The following IL1RAPL1 variants were observed in gnomAD, a reference collection of about 807,000 sequenced individuals.
The protein encoded by IL1RAPL1 is interleukin-1 receptor accessory protein-like 1.
In IL1RAPL1, 3 loss-of-function variants were observed where a neutral mutation model predicts 48.4. That is an observed-to-expected ratio of 0.06 (90% confidence interval 0.03 to 0.16). The LOEUF is 0.16. Ranked by LOEUF, IL1RAPL1 falls within the 10% of genes least tolerant of loss-of-function variation. The pLI is 1.00. For synonymous variants in IL1RAPL1, 185 were observed against 187.7 expected (o/e 0.99, Z 0.12); for missense variants, 349 against 530.6 (o/e 0.66, Z 3.36).
intron 6 of IL1RAPL1, among the ~76,000 whole-genome samples, chrX:29,845,711 A>G (rs992632725): frequency 9.0e-6 from 1 of 111,296 alleles, no homozygotes; most frequent in African/African-American, 3.3e-5. Context: ...GCTATAAAGA[A>G]ATACCTGAGA....
chrX:28,964,489 T>C (rs1194876010), intron 2 of IL1RAPL1, among the ~76,000 whole-genome samples: 1 of 111,907 alleles, frequency 8.9e-6, no homozygotes, highest in African/African-American at 3.2e-5. Context: ...TTAAGATGCA[T>C]GATATGGTGC....
At chrX:29,120,282 T>A (rs1928755969) in intron 2 of IL1RAPL1, among the ~76,000 whole-genome samples, 1 of 112,254 alleles carries the variant, frequency 8.9e-6, no homozygotes, top group Non-Finnish European at 1.9e-5. Flanking sequence ...AGACTTACAT[T>A]TAAGTCTTTA....
At chrX:29,088,962 G>A (rs1479216077) in intron 2 of IL1RAPL1, among the ~76,000 whole-genome samples, 2 of 111,224 alleles carry the variant, frequency 1.8e-5, no homozygotes, top group South Asian at 3.8e-4. Context: ...TTCAGTGTTC[G>A]CCAGTTGTCA....
chrX:28,886,657 A>G (rs1453733316), intron 2 of IL1RAPL1, among the ~76,000 whole-genome samples: 1 of 111,446 alleles, frequency 9.0e-6, no homozygotes, highest in East Asian at 2.8e-4. Flanking sequence ...AACGTTTACC[A>G]ATGAAGAATA....
chrX:29,109,039 C>A (rs1928507251), intron 2 of IL1RAPL1, among the ~76,000 whole-genome samples: 1 of 109,996 alleles, frequency 9.1e-6, no homozygotes, highest in Non-Finnish European at 1.9e-5. Context: ...AATATGCAAA[C>A]TAAAGCATGT....
intron 2 of IL1RAPL1, among the ~76,000 whole-genome samples, chrX:29,078,608 CGTTAA>C (rs749814606): frequency 3.6e-5 from 4 of 111,898 alleles, no homozygotes; most frequent in Middle Eastern, 4.6e-3. Context: ...AGATTCGAAG[CGTTAA>C]GTTATTTTAC....
At chrX:29,626,166 G>GT (rs1344672357) in intron 5 of IL1RAPL1, among the ~76,000 whole-genome samples, 2 of 112,115 alleles carry the variant, frequency 1.8e-5, no homozygotes, top group African/African-American at 3.2e-5. Context: ...CATTGCGTCT[G>GT]TTTTTCCTCA....
chrX:29,784,386 G>A (rs907270061), intron 6 of IL1RAPL1, among the ~76,000 whole-genome samples: 2 of 110,842 alleles, frequency 1.8e-5, no homozygotes, highest in Non-Finnish European at 3.8e-5. Context: ...CTCCCATTAG[G>A]TGAGTTTCTA....
intron 2 of IL1RAPL1, among the ~76,000 whole-genome samples, chrX:29,178,136 A>G (rs1339243776): frequency 9.0e-6 from 1 of 111,556 alleles, no homozygotes; most frequent in Admixed American, 9.5e-5. Flanking sequence ...GTCAAATGGT[A>G]TTTCTAGTTC....
At chrX:28,885,604 C>T (rs928518902) in intron 2 of IL1RAPL1, among the ~76,000 whole-genome samples, 1 of 111,174 alleles carries the variant, frequency 9.0e-6, no homozygotes, top group Non-Finnish European at 1.9e-5. Flanking sequence ...ACTTGAACAC[C>T]GTAGTATTTA....
chrX:29,247,441 A>T (rs1931535161), intron 2 of IL1RAPL1, among the ~76,000 whole-genome samples: 1 of 95,035 alleles, frequency 1.1e-5, no homozygotes, highest in Admixed American at 1.1e-4. Context: ...CAGAGAAATA[A>T]AAAAAAAAAA....
intron 2 of IL1RAPL1, among the ~76,000 whole-genome samples, chrX:28,880,376 T>C (rs777247635): frequency 6.2e-5 from 7 of 112,344 alleles, no homozygotes; most frequent in African/African-American, 2.3e-4. Context: ...AGCTAAGCTC[T>C]GTTTGAATAT....
At chrX:29,611,840 A>G (rs761789461) in intron 5 of IL1RAPL1, among the ~76,000 whole-genome samples, 1 of 110,589 alleles carries the variant, frequency 9.0e-6, no homozygotes, top group Admixed American at 9.6e-5. Flanking sequence ...AAGGGTATGG[A>G]CTGGGAAGAT....
chrX:29,300,522 T>A (rs1256610091), intron 3 of IL1RAPL1, among the ~76,000 whole-genome samples: 1 of 112,049 alleles, frequency 8.9e-6, no homozygotes, highest in African/African-American at 3.2e-5. Flanking sequence ...ATGGAATCAT[T>A]AGTAGTGAAG....
chrX:28,607,485 G>A (rs1378528982), intron 1 of IL1RAPL1, among the ~76,000 whole-genome samples: 1 of 110,795 alleles, frequency 9.0e-6, no homozygotes, highest in Non-Finnish European at 1.9e-5. Context: ...TGGTCAGGTA[G>A]TCACCACTTC....
chrX:29,077,507 G>A (rs1300550011), intron 2 of IL1RAPL1, among the ~76,000 whole-genome samples: 2 of 108,675 alleles, frequency 1.8e-5, no homozygotes, highest in African/African-American at 6.7e-5. Context: ...GGAGGCTGAG[G>A]TCGGAGAATC....
At chrX:29,223,638 C>G (rs145530123) in intron 2 of IL1RAPL1, among the ~76,000 whole-genome samples, 1 of 108,442 alleles carries the variant, frequency 9.2e-6, no homozygotes, top group Middle Eastern at 4.2e-3. Context: ...TCCGCCTCCC[C>G]GGTTCAAGAG....
At chrX:28,797,378 T>G (rs1268828551) in intron 2 of IL1RAPL1, among the ~76,000 whole-genome samples, 1 of 111,812 alleles carries the variant, frequency 8.9e-6, no homozygotes, top group Non-Finnish European at 1.9e-5. Context: ...TTTTCCAAAC[T>G]TTTATGCTCT....
intron 1 of IL1RAPL1, among the ~76,000 whole-genome samples, chrX:28,765,482 GA>G (rs764519625): frequency 9.0e-6 from 1 of 110,578 alleles, no homozygotes; most frequent in African/African-American, 3.3e-5. Context: ...TGATCTTTAT[GA>G]AAAAATTTAA....
Sources: allele counts gnomAD v4.1 joint callset (sites outside exome capture counted in the v4.1 genomes callset), GRCh38; gene constraint gnomAD v4.1.1; transcripts MANE v1.5; gene names NCBI Gene and HGNC (gene_info 2026-07-23, HGNC 2026-07-21).